The following SFT2D1 variants were observed in gnomAD, a reference collection of about 807,000 sequenced individuals.
SFT2D1 encodes SFT2 domain containing 1.
SFT2D1 carries 24 observed loss-of-function variants against 28.1 expected under a neutral mutation model. That is an observed-to-expected ratio of 0.85 (90% CI 0.62 to 1.20). SFT2D1 has a LOEUF of 1.20. Among genes scored for constraint, SFT2D1 ranks in the 50% most tolerant of loss-of-function variants. The pLI, the probability that SFT2D1 is intolerant of heterozygous loss-of-function variation, is 0.00. For synonymous variants in SFT2D1, 82 were observed against 73.7 expected, an observed-to-expected ratio of 1.11 and a Z score of -0.58; for missense variants, 181 against 190.9, an observed-to-expected ratio of 0.95 and a Z score of 0.31.
At chr6:166,334,832 T>A (rs771758602) in intron 1 of SFT2D1, 1 of 422,500 alleles carries the variant, frequency 2.4e-6, no homozygotes. Flanking sequence ...GGATGAAGAG[T>A]TGTGGAACCA....
At chr6:166,332,341 G>A (rs749061933) in intron 1 of SFT2D1, among the ~76,000 whole-genome samples, 3 of 152,030 alleles carry the variant, frequency 2.0e-5, no homozygotes, top group Non-Finnish European at 2.9e-5. Flanking sequence ...TGCAACCTCC[G>A]CCTCCCAGGT....
At chr6:166,332,261 C>A (rs1282568784) in intron 1 of SFT2D1, among the ~76,000 whole-genome samples, 1 of 152,178 alleles carries the variant, frequency 6.6e-6, no homozygotes, top group Non-Finnish European at 1.5e-5. Context: ...GGAACCCTGA[C>A]GTCTGCTTAT....
At chr6:166,320,357 G>A in intron 7 of SFT2D1, 101 bp from the exon 8 acceptor site, 9 of 848,938 alleles carry the variant, frequency 1.1e-5, no homozygotes, top group Non-Finnish European at 1.7e-5. Flanking sequence ...AGAACTCAAT[G>A]GATGCTCCAA....
chr6:166,342,323 C>G (rs1778799585), intron 1 of SFT2D1, 96 bp downstream of exon 1: 1 of 1,154,762 alleles, frequency 8.7e-7, no homozygotes, highest in Admixed American at 2.6e-5. Flanking sequence ...GTCCCAGACC[C>G]CCGGCCTCGC....
At chr6:166,327,114 G>C (rs920795347) in intron 4 of SFT2D1, among the ~76,000 whole-genome samples, 8 of 152,226 alleles carry the variant, frequency 5.3e-5, no homozygotes, top group Non-Finnish European at 7.3e-5. Context: ...CTGCCAGGCA[G>C]ATTAGAGTTA....
chr6:166,322,342 C>G (rs1778371475), intron 7 of SFT2D1, among the ~76,000 whole-genome samples: 2 of 152,132 alleles, frequency 1.3e-5, no homozygotes, highest in African/African-American at 4.8e-5. Flanking sequence ...TGCTCCATGT[C>G]GCCAAAATGT....
chr6:166,324,665 A>G, intron 5 of SFT2D1, 70 bp from the exon 6 acceptor site: 1 of 1,412,572 alleles, frequency 7.1e-7, no homozygotes, highest in African/African-American at 1.4e-5. Flanking sequence ...ATCAAACTTA[A>G]TTCTTGTCTT....
At position 166,322,850 on chromosome 6, in the gene SFT2D1, A is replaced by T; in HGVS notation, c.440+7T>A. On this transcript the variant is annotated splice_region_variant and intron_variant, in intron 7 of 7. Transcript: ENST00000361731. The stretch of plus-strand genomic sequence containing the variant: ...CCAGAAAGAAGACAAGATTCAAACA[A>T]GCTTACCTTGCATATGGGATGTACG... 1 of 1,609,396 alleles carries T rather than the reference A, an allele frequency of 6.2e-7. No homozygotes were observed. The highest frequency in any genetic ancestry group is 8.5e-7 in the Non-Finnish European group (1 of 1,176,194).
chr6:166,324,748 T>C (rs1288416521), intron 5 of SFT2D1, 153 bp from the exon 6 acceptor site: 1 of 723,374 alleles, frequency 1.4e-6, no homozygotes, highest in Non-Finnish European at 2.2e-6. Context: ...ACAGTTGATC[T>C]GAAACTTTAA....
At chr6:166,329,745 A>T (rs1778515969) in intron 2 of SFT2D1, among the ~76,000 whole-genome samples, 156 bp from the exon 3 acceptor site, 1 of 152,242 alleles carries the variant, frequency 6.6e-6, no homozygotes, top group African/African-American at 2.4e-5. Flanking sequence ...CAGAAAAAAT[A>T]GTTAATTTTC....
Position 166,328,478 on chromosome 6 carries a change from A to G in SFT2D1, c.234-121T>C, listed in dbSNP as rs890057400. The G allele has an allele frequency of 4.1e-5, 23 of 561,980 alleles. No homozygotes were observed. The Middle Eastern group carries it at 1.9e-3, about 46-fold the overall frequency. The allele number at this position is 561,980 out of a possible 1,614,324, so 34.8% of individuals were successfully genotyped here. On this transcript the variant is annotated intron_variant, in intron 3 of 7. Transcript: ENST00000361731. Reference sequence around the variant, plus strand: ...TTTATTTAATTAAAATCTCTCACTAAAATTTTTTTTTTCCTTAACTTTATA... The same window carrying G: ...TTTATTTAATTAAAATCTCTCACTAGAATTTTTTTTTTCCTTAACTTTATA...
intron 3 of SFT2D1, 105 bp downstream of exon 3, chr6:166,329,402 C>A: frequency 1.2e-6 from 1 of 844,694 alleles, no homozygotes; most frequent in Non-Finnish European, 1.9e-6. Context: ...TGGCTGAATT[C>A]ACAGTATGTA....
chr6:166,342,452 G>T lies in SFT2D1; in HGVS notation c.30C>A (p.Gly10=). The change falls in exon 1 of 8, where the codon GGC becomes GGA. Residue 10 remains glycine (G), a synonymous_variant. Coordinates refer to ENST00000361731, the MANE Select transcript of SFT2D1 (RefSeq NM_145169.3). Reference sequence around the variant, plus strand: ...TCAGGCCCTGCTCCTCGTCGTCCTGGCCGCTCAGGACTCGCCGCAGCTTCT... The same window carrying T: ...TCAGGCCCTGCTCCTCGTCGTCCTGTCCGCTCAGGACTCGCCGCAGCTTCT... MEKLRRVLS[G]QDDEEQGLTA... The T allele has an allele frequency of 6.4e-7, 1 of 1,559,602 alleles. No homozygotes were observed.
intron 4 of SFT2D1, among the ~76,000 whole-genome samples, chr6:166,327,801 A>ATT (rs111372481): frequency 5.3e-5 from 8 of 151,832 alleles, no homozygotes; most frequent in African/African-American, 1.9e-4. Context: ...CATAGGATAT[A>ATT]TTTTTTTTTT....
At chr6:166,333,715 C>T (rs992178611) in intron 1 of SFT2D1, among the ~76,000 whole-genome samples, 4 of 152,210 alleles carry the variant, frequency 2.6e-5, no homozygotes, top group African/African-American at 9.6e-5. Context: ...CATCAGCCCC[C>T]CATGGCCTGC....
intron 1 of SFT2D1, among the ~76,000 whole-genome samples, 189 bp downstream of exon 1, chr6:166,342,230 G>C (rs573990622): frequency 6.6e-6 from 1 of 152,042 alleles, no homozygotes; most frequent in Admixed American, 6.6e-5. Context: ...GGTTTAAGTA[G>C]ACCGCATGGA....
chr6:166,326,029 T>C, intron 5 of SFT2D1, 103 bp downstream of exon 5: 1 of 1,164,522 alleles, frequency 8.6e-7, no homozygotes, highest in South Asian at 1.3e-5. Context: ...TAGAGAGTTT[T>C]AAAAAAACAG....
In SFT2D1 at chr6:166,319,803, T is replaced by G; in HGVS notation, c.*414A>C. On this transcript the variant is annotated 3_prime_UTR_variant, in exon 8 of 8. Transcript: ENST00000361731. ...ATTTTTATTACATATAATAAGCAAT[T>G]TTTAGCTTAAAATAAGTTTCACATT... 6.6e-6 allele frequency: 1 copy of G among 152,444 alleles called. No individual in the cohort carries two copies. Among genetic ancestry groups the G allele is most frequent in the East Asian group, 1.9e-4 (1 of 5,220 alleles). The allele number at this position is 152,444 out of a possible 1,614,324, so 9.4% of individuals were successfully genotyped here.
At chr6:166,328,139 C>T (rs1778484753) in intron 4 of SFT2D1, 137 bp downstream of exon 4, 1 of 390,132 alleles carries the variant, frequency 2.6e-6, no homozygotes, top group Non-Finnish European at 4.3e-6. Flanking sequence ...ATACATACAA[C>T]CCTGAAACTT....
Sources: gnomAD v4.1 joint callset for allele counts (sites outside exome capture counted in the v4.1 genomes callset) on GRCh38, gnomAD v4.1.1 for gene constraint, MANE v1.5 for transcripts, NCBI Gene and HGNC (gene_info 2026-07-23, HGNC 2026-07-21) for gene names.